The following CFTR variants were observed in gnomAD, a reference collection of about 807,000 sequenced individuals.
The protein encoded by CFTR is cystic fibrosis transmembrane conductance regulator.
Under a neutral mutation model 171.6 loss-of-function variants are expected in CFTR, and 181 were observed. The observed-to-expected ratio is 1.05, with a 90% confidence interval of 0.93 to 1.19. The LOEUF is 1.19. Among genes scored for constraint, CFTR ranks in the 50% most tolerant of loss-of-function variants. The pLI is 0.00. For missense variants in CFTR, 1,968 were observed against 1,734.7 expected, an observed-to-expected ratio of 1.13 and a Z score of -2.39; for synonymous variants, 583 against 608.0, an observed-to-expected ratio of 0.96 and a Z score of 0.60.
At chr7:117,521,683 A>G (rs1798688536) in intron 3 of CFTR, among the ~76,000 whole-genome samples, 1 of 152,212 alleles carries the variant, frequency 6.6e-6, no homozygotes, top group Admixed American at 6.5e-5. Context: ...GTGACCTCAC[A>G]CAATAGAAAA....
intron 3 of CFTR, among the ~76,000 whole-genome samples, chr7:117,520,113 TATTA>T (rs1798662806): frequency 6.6e-6 from 1 of 151,894 alleles, no homozygotes; most frequent in African/African-American, 2.4e-5. Flanking sequence ...TGTTTTTGTA[TATTA>T]ATTATGCATT....
chr7:117,603,848 G>A (rs1792265156), intron 17 of CFTR, 66 bp downstream of exon 17: 2 of 1,575,370 alleles, frequency 1.3e-6, no homozygotes, highest in South Asian at 1.1e-5. Flanking sequence ...GGTTTTGTTG[G>A]TTTTCTAATG....
chr7:117,516,882 A>C lies in CFTR; in HGVS notation c.273+7740A>C, dbSNP rs570934232. 7.9e-5 allele frequency among the ~76,000 whole-genome samples: 12 copies of C among 152,328 alleles called. No individual in the cohort carries two copies. The South Asian group carries it at 2.5e-3, about 32-fold the overall frequency. On this transcript the variant is annotated intron_variant, in intron 3 of 26. Transcript: ENST00000003084. ...CTAGCCATGTGATTTTGGGTAGGTTACTTAAATTCTCTTCATCTCAATTTC... is the reference window on the plus strand; with the variant it reads ...CTAGCCATGTGATTTTGGGTAGGTTCCTTAAATTCTCTTCATCTCAATTTC...
In CFTR at chr7:117,531,036, C is replaced by T; in HGVS notation, c.411C>T (p.Leu137=). ...TTCTCTTTATTGTGAGGACACTGCT[C>T]CTACACCCAGCCATTTTTGGCCTTC... ...LCLLFIVRTL[L]LHPAIFGLHH... is the part of the protein sequence containing the mutation. The change falls in exon 4 of 27, where the codon CTC becomes CTT. Residue 137 remains leucine, a synonymous_variant. Transcript: ENST00000003084. 1.2e-6 allele frequency: 2 copies of T among 1,613,776 alleles called. No individual in the cohort carries two copies. The highest frequency in any genetic ancestry group is 1.7e-6 in the Non-Finnish European group (2 of 1,179,858).
At chr7:117,554,993 T>G in intron 10 of CFTR, among the ~76,000 whole-genome samples, 1 of 152,172 alleles carries the variant, frequency 6.6e-6, no homozygotes, top group East Asian at 1.9e-4. Context: ...CTAATACAAT[T>G]GACCCTTAAA....
At chr7:117,547,897 G>T (rs1799189230) in intron 9 of CFTR, among the ~76,000 whole-genome samples, 1 of 152,186 alleles carries the variant, frequency 6.6e-6, no homozygotes, top group South Asian at 2.1e-4. Flanking sequence ...TTAGGAAAGA[G>T]TGAATAGAGT....
intron 22 of CFTR, among the ~76,000 whole-genome samples, chr7:117,637,983 A>G (rs560343193): frequency 6.6e-6 from 1 of 152,272 alleles, no homozygotes; most frequent in African/African-American, 2.4e-5. Flanking sequence ...AAAATTCATA[A>G]AAGTATAGAA....
At chr7:117,568,436 T>C (rs929652545) in intron 11 of CFTR, among the ~76,000 whole-genome samples, 6 of 152,082 alleles carry the variant, frequency 3.9e-5, no homozygotes, top group Admixed American at 3.9e-4. Flanking sequence ...AGGTGAGGGA[T>C]GATAATGACT....
intron 1 of CFTR, among the ~76,000 whole-genome samples, chr7:117,500,189 G>C (rs956820342): frequency 6.6e-6 from 1 of 150,892 alleles, no homozygotes; most frequent in Non-Finnish European, 1.5e-5. Flanking sequence ...AAGTGTCTAA[G>C]TATAGATGTC....
chr7:117,531,386 C>T (rs1798863442), intron 4 of CFTR, among the ~76,000 whole-genome samples: 1 of 151,262 alleles, frequency 6.6e-6, no homozygotes, highest in African/African-American at 2.4e-5. Context: ...TTTTGGAATC[C>T]ATGGTTTCCT....
intron 3 of CFTR, among the ~76,000 whole-genome samples, chr7:117,522,205 A>G (rs956615399): frequency 6.6e-6 from 1 of 152,192 alleles, no homozygotes; most frequent in Non-Finnish European, 1.5e-5. Flanking sequence ...CATCCTTCTG[A>G]GTAGAAAACA....
chr7:117,606,239 G>A (rs959004158), intron 17 of CFTR, among the ~76,000 whole-genome samples: 2 of 152,104 alleles, frequency 1.3e-5, no homozygotes, highest in African/African-American at 2.4e-5. Context: ...GTAGAGGTAT[G>A]TCAAAAAGGT....
At chr7:117,608,587 T>C (rs756362498) in intron 18 of CFTR, among the ~76,000 whole-genome samples, 2 of 152,196 alleles carry the variant, frequency 1.3e-5, no homozygotes, top group Non-Finnish European at 2.9e-5. Flanking sequence ...TTATATTAAT[T>C]TACCCATTTT....
Position 117,592,569 on chromosome 7 carries a change from A to T in CFTR, c.2402A>T (p.Asn801Ile). The change falls in exon 14 of 27, where the codon AAC (asparagine) becomes ATC (isoleucine). Residue 801 changes from asparagine (N) to isoleucine (I), a missense_variant. Asn to Ile is a moderately radical substitution (Grantham distance 149, BLOSUM62 -3). Coordinates refer to ENST00000003084, the MANE Select transcript of CFTR (RefSeq NM_000492.4). Reference protein sequence around the residue: ...TRKVSLAPQANLTELDIYSRR... With the variant: ...TRKVSLAPQAILTELDIYSRR... ...AAAGTGTCACTGGCCCCTCAGGCAA[A>T]CTTGACTGAACTGGATATATATTCA... The T allele has an allele frequency of 6.6e-7, 1 of 1,523,290 alleles. No homozygotes were observed. The highest frequency in any genetic ancestry group is 8.8e-7 in the Non-Finnish European group (1 of 1,139,056). 94.4% of individuals were successfully genotyped at this position (1,523,290 alleles called of 1,614,324 possible).
chr7:117,604,264 A>T (rs1452512569), intron 17 of CFTR, among the ~76,000 whole-genome samples: 1 of 152,212 alleles, frequency 6.6e-6, no homozygotes, highest in Admixed American at 6.5e-5. Flanking sequence ...GTATTTTAAA[A>T]CTATTTTTAT....
rs895188997 is a variant in CFTR, at chr7:117,524,941, C to A, written c.274-5958C>A. On this transcript the variant is annotated intron_variant, in intron 3 of 26. Coordinates refer to ENST00000003084, the MANE Select transcript of CFTR (RefSeq NM_000492.4). ...TATAAAATTTAAAAACCTCAAAAAC[C>A]ATTCTTCTTTGATATATATTCTAAA... is the stretch of plus-strand genomic sequence containing the variant. Among the ~76,000 whole-genome samples, 47 of 152,096 alleles carry A rather than the reference C, an allele frequency of 3.1e-4. 1 individual carries two copies. The highest frequency in any genetic ancestry group is 5.9e-5 in the Non-Finnish European group (4 of 67,998).
chr7:117,652,764 T>C, intron 23 of CFTR, 78 bp from the exon 24 acceptor site: 1 of 730,344 alleles, frequency 1.4e-6, no homozygotes, highest in Admixed American at 2.6e-5. Context: ...ACTTGAAATA[T>C]TTTACAATAC....
intron 2 of CFTR, 133 bp downstream of exon 2, chr7:117,504,496 G>C: frequency 3.1e-6 from 2 of 635,440 alleles, no homozygotes; most frequent in Non-Finnish European, 5.6e-6. Flanking sequence ...GCTAATGCCT[G>C]TAATCCCAAC....
At chr7:117,493,733 T>C (rs1013983956) in intron 1 of CFTR, among the ~76,000 whole-genome samples, 1 of 152,114 alleles carries the variant, frequency 6.6e-6, no homozygotes, top group Non-Finnish European at 1.5e-5. Context: ...CCCTTTTAAT[T>C]TGCAGTACTT....
Sources: gnomAD v4.1 joint callset for allele counts (sites outside exome capture counted in the v4.1 genomes callset) on GRCh38, gnomAD v4.1.1 for gene constraint, MANE v1.5 for transcripts, NCBI Gene and HGNC (gene_info 2026-07-23, HGNC 2026-07-21) for gene names.